LRP1B: variants seen among roughly 807,000 people sequenced by gnomAD.
LRP1B encodes low-density lipoprotein receptor-related protein 1B.
A neutral mutation model predicts 556.6 loss-of-function variants in LRP1B; 217 were observed. The observed-to-expected ratio is 0.39, with a 90% CI of 0.35 to 0.44. The LOEUF (loss-of-function observed/expected upper bound fraction) is 0.44, where lower values mean the gene tolerates loss of function less well. Among genes scored for constraint, LRP1B ranks in the 20% least tolerant of loss-of-function variants. The probability of loss-of-function intolerance (pLI) is 1.00; values close to 1 mark genes in which losing one functional copy is unlikely to be tolerated. For synonymous variants in LRP1B, 2,047 were observed against 1,865.8 expected, an observed-to-expected ratio of 1.10 and a Z score of -2.50; for missense variants, 5,053 against 5,620.8, an observed-to-expected ratio of 0.90 and a Z score of 3.23.
At chr2:140,513,586 A>C (rs1689754842) in intron 51 of LRP1B, among the ~76,000 whole-genome samples, 1 of 151,984 alleles carries the variant, frequency 6.6e-6, no homozygotes, top group Admixed American at 6.6e-5. Flanking sequence ...AATAAAAAGT[A>C]GATTTTGAGT....
At chr2:141,660,487 T>C (rs1272456383) in intron 2 of LRP1B, among the ~76,000 whole-genome samples, 1 of 152,092 alleles carries the variant, frequency 6.6e-6, no homozygotes, top group East Asian at 1.9e-4. Context: ...TCCCCCCCGC[T>C]GGTGCCGCGG....
At chr2:141,640,349 T>C (rs1400509944) in intron 2 of LRP1B, among the ~76,000 whole-genome samples, 1 of 152,198 alleles carries the variant, frequency 6.6e-6, no homozygotes, top group East Asian at 1.9e-4. Flanking sequence ...CCCTGATGGG[T>C]AAAAAACTAA....
intron 32 of LRP1B, among the ~76,000 whole-genome samples, chr2:140,797,845 A>G (rs185238258): frequency 5.9e-5 from 9 of 152,310 alleles, no homozygotes; most frequent in African/African-American, 2.2e-4. Context: ...GTGTTTAAAA[A>G]TATGACAAAA....
chr2:140,851,060 T>C (rs918530745), intron 28 of LRP1B, among the ~76,000 whole-genome samples: 2 of 152,172 alleles, frequency 1.3e-5, no homozygotes, highest in South Asian at 2.1e-4. Context: ...TTTCTGTCCT[T>C]AAAATTAAGT....
intron 3 of LRP1B, among the ~76,000 whole-genome samples, chr2:141,418,747 A>ATT (rs371964178): frequency 6.6e-6 from 1 of 150,406 alleles, no homozygotes; most frequent in African/African-American, 2.4e-5. Context: ...GAATTTTAGA[A>ATT]TTTTTTTTTT....
intron 32 of LRP1B, among the ~76,000 whole-genome samples, chr2:140,782,272 C>T (rs931772035): frequency 1.3e-5 from 2 of 152,226 alleles, no homozygotes; most frequent in Non-Finnish European, 2.9e-5. Context: ...ATTCTTAAGT[C>T]CCAGTACTTC....
intron 43 of LRP1B, among the ~76,000 whole-genome samples, chr2:140,545,484 A>C (rs1326992020): frequency 6.6e-6 from 1 of 152,166 alleles, no homozygotes; most frequent in African/African-American, 2.4e-5. Context: ...AAAGGGGTTC[A>C]GTTTCAATCT....
chr2:141,081,586 G>T (rs978072416), intron 7 of LRP1B, among the ~76,000 whole-genome samples: 1 of 152,138 alleles, frequency 6.6e-6, no homozygotes, highest in Non-Finnish European at 1.5e-5. Flanking sequence ...TCAGTTTACT[G>T]GAGGAATAAG....
chr2:141,823,209 G>A (rs992565030), intron 1 of LRP1B, among the ~76,000 whole-genome samples: 1 of 152,132 alleles, frequency 6.6e-6, no homozygotes, highest in Admixed American at 6.5e-5. Context: ...ATTCTCCTGG[G>A]AAGTGGTTTC....
At position 140,567,988 on chromosome 2, in the gene LRP1B, G is replaced by A. The variant is rs115827332; in HGVS notation, c.7195-26017C>T. Among the ~76,000 whole-genome samples, 413 of 152,074 alleles carry A rather than the reference G, an allele frequency of 2.7e-3. 3 individuals are homozygous for A. Among genetic ancestry groups the A allele is most frequent in the Admixed American group, 5.2e-3 (80 of 15,274 alleles). On this transcript the variant is annotated intron_variant, in intron 43 of 90. Coordinates refer to ENST00000389484, the MANE Select transcript of LRP1B (RefSeq NM_018557.3). ...CATCTGTGGATAAACATCTTTCTCT[G>A]TAACGCCCACACCATAACATTTGAA...
chr2:140,995,717 C>T (rs1400830915), intron 15 of LRP1B, among the ~76,000 whole-genome samples: 1 of 151,990 alleles, frequency 6.6e-6, no homozygotes, highest in African/African-American at 2.4e-5. Context: ...CTCAGGCCTA[C>T]TTAAGGGTTC....
At chr2:141,855,369 C>A (rs1698017764) in intron 1 of LRP1B, among the ~76,000 whole-genome samples, 1 of 152,074 alleles carries the variant, frequency 6.6e-6, no homozygotes, top group African/African-American at 2.4e-5. Flanking sequence ...GGATGATCTG[C>A]TTGGCATAAG....
intron 1 of LRP1B, among the ~76,000 whole-genome samples, chr2:142,044,591 C>T (rs1055219132): frequency 2.6e-5 from 4 of 151,736 alleles, no homozygotes; most frequent in South Asian, 4.1e-4. Context: ...GTAACATAAA[C>T]TCAGCTTTGA....
intron 2 of LRP1B, among the ~76,000 whole-genome samples, chr2:141,490,593 C>T (rs1312609970): frequency 6.6e-6 from 1 of 151,924 alleles, no homozygotes. Flanking sequence ...TTAGTTATAG[C>T]CTTAGAAATA....
At position 141,554,353 on chromosome 2, in the gene LRP1B, A is replaced by G. The variant is rs1432371486; in HGVS notation, c.206-73820T>C. Among the ~76,000 whole-genome samples, 5 of 149,374 alleles carry G rather than the reference A, an allele frequency of 3.3e-5. No homozygotes were observed. The East Asian group carries it at 1.0e-3, about 31-fold the overall frequency. On this transcript the variant is annotated intron_variant, in intron 2 of 90. Transcript: ENST00000389484. ...ATAGATTATATGTATCTATAGGAAT[A>G]GACATAGATATAGATTATATATCTA...
chr2:140,967,936 A>G (rs1408365763), intron 18 of LRP1B, among the ~76,000 whole-genome samples: 5 of 147,372 alleles, frequency 3.4e-5, no homozygotes, highest in Non-Finnish European at 6.0e-5. Flanking sequence ...TGCTGGATTC[A>G]GTTTGCCAGT....
chr2:141,286,066 C>A (rs1167529985), intron 3 of LRP1B, among the ~76,000 whole-genome samples: 463 of 94,542 alleles, frequency 4.9e-3, no homozygotes, highest in African/African-American at 9.0e-3. Flanking sequence ...GACTCCGTCT[C>A]AAAAAAAAAA....
At chr2:141,294,241 G>A (rs1033063339) in intron 3 of LRP1B, among the ~76,000 whole-genome samples, 2 of 152,118 alleles carry the variant, frequency 1.3e-5, no homozygotes, top group Non-Finnish European at 2.9e-5. Context: ...CAGAGTGCAT[G>A]TTAAATGATC....
At chr2:142,101,668 C>G (rs144248048) in intron 1 of LRP1B, among the ~76,000 whole-genome samples, 286 of 152,006 alleles carry the variant, frequency 1.9e-3, no homozygotes, top group African/African-American at 6.6e-3. Context: ...TAGACACAAC[C>G]TATCACTTAA....
Sources: allele counts gnomAD v4.1 joint callset (sites outside exome capture counted in the v4.1 genomes callset), GRCh38; gene constraint gnomAD v4.1.1; transcripts MANE v1.5; gene names NCBI Gene and HGNC (gene_info 2026-07-23, HGNC 2026-07-21).